CIP2A: variants seen among roughly 807,000 people sequenced by gnomAD.
CIP2A encodes the protein cellular inhibitor of PP2A.
Under a neutral mutation model 110.9 loss-of-function variants are expected in CIP2A, and 103 were observed. The ratio of observed to expected loss-of-function variants is 0.93; its 90% CI spans 0.79 to 1.09. CIP2A has a LOEUF of 1.09. Ranked by LOEUF, CIP2A falls within the 50% of genes least tolerant of loss-of-function variation. The pLI is 0.00. For missense variants in CIP2A, 1,088 were observed against 1,038.4 expected (o/e 1.05, Z -0.66); for synonymous variants, 381 against 361.6 (o/e 1.05, Z -0.61).
intron 18 of CIP2A, among the ~76,000 whole-genome samples, 170 bp from the exon 19 acceptor site, chr3:108,553,900 A>C (rs1385105907): frequency 1.9e-4 from 23 of 120,190 alleles, no homozygotes; most frequent in South Asian, 2.6e-4. Context: ...AAAATATAAA[A>C]AAAAAAAAAA....
intron 7 of CIP2A, 30 bp downstream of exon 7, chr3:108,579,251 A>G: frequency 6.5e-7 from 1 of 1,545,930 alleles, no homozygotes; most frequent in Non-Finnish European, 8.8e-7. Context: ...AAAATAAAAA[A>G]GTTCTAAAAT....
Position 108,569,540 on chromosome 3 carries a change from A to G in CIP2A, c.962T>C (p.Phe321Ser), listed in dbSNP as rs139569803. 30 of 1,612,846 alleles carry G rather than the reference A, an allele frequency of 1.9e-5. No homozygotes were observed. Among genetic ancestry groups the G allele is most frequent in the African/African-American group, 4.0e-5 (3 of 74,920 alleles). The change falls in exon 9 of 21, where the codon TTT (phenylalanine) becomes TCT (serine). Residue 321 changes from phenylalanine to serine, a missense_variant. Coordinates refer to ENST00000295746, the MANE Select transcript of CIP2A (RefSeq NM_020890.3). ...QLRHMLTQMM[F>S]EQSPPGSATL... is the part of the protein sequence containing the mutation. ...GGCGCTGCCAGGTGGAGACTGTTCA[A>G]ACATCATCTGAGTGAGCATATGGCG...
chr3:108,570,751 C>T (rs1178589919), intron 8 of CIP2A, among the ~76,000 whole-genome samples: 1 of 152,100 alleles, frequency 6.6e-6, no homozygotes, highest in East Asian at 1.9e-4. Flanking sequence ...TAGGACATTA[C>T]TGTATATTGC....
intron 19 of CIP2A, 82 bp from the exon 20 acceptor site, chr3:108,552,455 G>A: frequency 2.6e-6 from 2 of 781,604 alleles, no homozygotes; most frequent in Non-Finnish European, 3.8e-6. Flanking sequence ...TACTGTAAGA[G>A]CAAAAGAGAA....
intron 6 of CIP2A, 68 bp downstream of exon 6, chr3:108,579,495 TAAA>T (rs1405243878): frequency 3.2e-6 from 5 of 1,557,330 alleles, no homozygotes; most frequent in Non-Finnish European, 4.3e-6. Flanking sequence ...AAGGTAAAAA[TAAA>T]AAAGTCTCAA....
At chr3:108,554,690 TG>T (rs1937726869) in intron 17 of CIP2A, among the ~76,000 whole-genome samples, 1 of 152,222 alleles carries the variant, frequency 6.6e-6, no homozygotes, top group Admixed American at 6.5e-5. Flanking sequence ...TTGACTGATG[TG>T]GTAAAAATTA....
chr3:108,587,559 T>C (rs9819684), intron 1 of CIP2A, among the ~76,000 whole-genome samples: 2,919 of 152,246 alleles, frequency 0.019, 104 homozygotes, highest in African/African-American at 0.067. Context: ...ATGGTAGCTA[T>C]GGTACCTATA....
chr3:108,581,451 C>T lies in CIP2A; in HGVS notation c.513G>A (p.Arg171=). 1 of 1,612,760 alleles carries T rather than the reference C, an allele frequency of 6.2e-7. No individual in the cohort carries two copies. The change falls in exon 5 of 21, where the codon CGG becomes CGA. Residue 171 remains arginine (R), a synonymous_variant. Coordinates refer to ENST00000295746, the MANE Select transcript of CIP2A (RefSeq NM_020890.3). ...PCLGLLANLC[R]HNLSVQTHIK... ...TGTGCGTTTGAACAGAAAGATTGTG[C>T]CGACAAAGATTTGCCAATAATCCTA...
intron 3 of CIP2A, 32 bp from the exon 4 acceptor site, chr3:108,582,234 G>T: frequency 2.1e-6 from 2 of 932,834 alleles, no homozygotes; most frequent in Non-Finnish European, 3.3e-6. Context: ...TAAATATAAA[G>T]ATATAAAAAC....
rs1039028159 is a variant in CIP2A, at chr3:108,556,076, T to C, written c.2210+1142A>G. Among the ~76,000 whole-genome samples, 9 of 152,308 alleles carry C rather than the reference T, an allele frequency of 5.9e-5. No individual in the cohort carries two copies. In the South Asian group the frequency reaches 8.3e-4, roughly 14 times the overall value. On this transcript the variant is annotated intron_variant, in intron 17 of 20. Coordinates refer to ENST00000295746, the MANE Select transcript of CIP2A (RefSeq NM_020890.3). ...CACTGCTGACGTTCTCAACTTGGCT[T>C]ATCACTAATACTACACTTTATCAGT...
chr3:108,567,592 C>G (rs1311027562), intron 10 of CIP2A, among the ~76,000 whole-genome samples: 1 of 151,818 alleles, frequency 6.6e-6, no homozygotes, highest in Non-Finnish European at 1.5e-5. Context: ...AGAAGTTAAG[C>G]AGTGAAACTA....
At chr3:108,571,421 G>A (rs890498356) in intron 8 of CIP2A, among the ~76,000 whole-genome samples, 2 of 152,080 alleles carry the variant, frequency 1.3e-5, no homozygotes, top group Non-Finnish European at 2.9e-5. Context: ...AGAAGTCTGT[G>A]TCTGTCATTG....
rs771335444 is a variant in CIP2A, at chr3:108,579,634, A to C, written c.604T>G (p.Leu202Val). ...GAAAGTGCAAACACAACCACAGTTA[A>C]ACTACTATGGGCCAACAAGGTGATA... ...TLITLLAHSS[L>V]TVVVFALSIL... is the part of the protein sequence containing the mutation. Residue 202 changes from leucine to valine, a missense_variant, in exon 6 of 21, where the codon TTA becomes GTA. Leu to Val is a conservative substitution (Grantham distance 32). Transcript: ENST00000295746. 9 of 1,606,164 alleles carry C rather than the reference A, an allele frequency of 5.6e-6. No homozygotes were observed. The highest frequency in any genetic ancestry group is 7.7e-6 in the Non-Finnish European group (9 of 1,175,626).
rs1177135492 is a variant in CIP2A at position 108,553,895 on chromosome 3, AT to A, written c.2325-166del. On this transcript the variant is annotated intron_variant, in intron 18 of 20. Coordinates refer to ENST00000295746, the MANE Select transcript of CIP2A (RefSeq NM_020890.3). Reference sequence around the variant, plus strand: ...GTGAAACCCCGTCTCTACTAAAAATATAAAAAAAAAAAAAAAAAAAAAAAGG... The same window carrying A: ...GTGAAACCCCGTCTCTACTAAAAATAAAAAAAAAAAAAAAAAAAAAAAAGG... Among the ~76,000 whole-genome samples the A allele has an allele frequency of 1.1e-3, 66 of 58,104 alleles. 13 individuals are homozygous for A. Among genetic ancestry groups the A allele is most frequent in the Admixed American group, 3.5e-3 (17 of 4,796 alleles). The allele number at this position is 58,104 out of a possible 152,430, so 38.1% of individuals were successfully genotyped here.
At chr3:108,563,624 C>T (rs1349471109) in intron 12 of CIP2A, among the ~76,000 whole-genome samples, 2 of 151,614 alleles carry the variant, frequency 1.3e-5, no homozygotes, top group Non-Finnish European at 2.9e-5. Flanking sequence ...CAAATTAAGG[C>T]TATAAAATAA....
In CIP2A at chr3:108,552,385, A is replaced by T. The variant is rs1282160579; in HGVS notation, c.2408-12T>A. ...TTTTTGATGCAAATCTTAAAAGAAA[A>T]AAAAGTCAAGTATTATACTCAGAGG... On this transcript the variant is annotated splice_polypyrimidine_tract_variant and intron_variant, in intron 19 of 20. Transcript: ENST00000295746. 1 of 1,495,952 alleles carries T rather than the reference A, an allele frequency of 6.7e-7. No homozygotes were observed. Among genetic ancestry groups the T allele is most frequent in the Non-Finnish European group, 9.0e-7 (1 of 1,109,782 alleles). 92.7% of individuals were successfully genotyped at this position (1,495,952 alleles called of 1,614,324 possible). A position where few individuals can be genotyped will look rare whatever the true frequency, so the allele number is the denominator to read the frequency against.
chr3:108,578,673 G>T (rs1210078375), intron 7 of CIP2A, among the ~76,000 whole-genome samples: 2 of 151,990 alleles, frequency 1.3e-5, no homozygotes, highest in Non-Finnish European at 2.9e-5. Flanking sequence ...AGCAGCATAG[G>T]CCCCAGCAAA....
At chr3:108,572,886 C>T (rs1938447397) in intron 8 of CIP2A, among the ~76,000 whole-genome samples, 1 of 151,748 alleles carries the variant, frequency 6.6e-6, no homozygotes. Flanking sequence ...TTTCTTATTC[C>T]TAATCTTGAG....
intron 20 of CIP2A, 139 bp downstream of exon 20, chr3:108,552,095 T>C: frequency 1.7e-6 from 1 of 581,612 alleles, no homozygotes; most frequent in Non-Finnish European, 2.9e-6. Context: ...TCATAACAAA[T>C]GATACTCAAG....
Sources: allele counts gnomAD v4.1 joint callset (sites outside exome capture counted in the v4.1 genomes callset), GRCh38; gene constraint gnomAD v4.1.1; transcripts MANE v1.5; gene names NCBI Gene and HGNC (gene_info 2026-07-23, HGNC 2026-07-21).